Variants in KCND2 observed in about 807,000 individuals in gnomAD.
KCND2 encodes the protein potassium voltage-gated channel subfamily D member 2, also known as A-type voltage-gated potassium channel KCND2.
In KCND2, 16 loss-of-function variants were observed where a neutral mutation model predicts 54.4. The observed-to-expected ratio is 0.29, with a 90% CI of 0.20 to 0.45. The LOEUF (loss-of-function observed/expected upper bound fraction) is 0.45, where lower values mean the gene tolerates loss of function less well. KCND2 is among the 20% of genes least tolerant of loss of function. KCND2 has a pLI of 1.00. For missense variants in KCND2, 486 were observed against 824.2 expected (o/e 0.59, Z 5.02); for synonymous variants, 317 against 310.7 (o/e 1.02, Z -0.21).
At chr7:120,620,986 C>A (rs1362841052) in intron 1 of KCND2, among the ~76,000 whole-genome samples, 1 of 152,032 alleles carries the variant, frequency 6.6e-6, no homozygotes, top group Non-Finnish European at 1.5e-5. Context: ...TAAAGAAGAA[C>A]CATATGGGTC....
At chr7:120,532,167 C>T (rs1364204112) in intron 1 of KCND2, among the ~76,000 whole-genome samples, 1 of 151,932 alleles carries the variant, frequency 6.6e-6, no homozygotes, top group South Asian at 2.1e-4. Flanking sequence ...GTAGTTTTCT[C>T]TATAATTTAA....
At chr7:120,598,350 G>T (rs1183267551) in intron 1 of KCND2, among the ~76,000 whole-genome samples, 5 of 152,028 alleles carry the variant, frequency 3.3e-5, no homozygotes, top group Non-Finnish European at 7.4e-5. Flanking sequence ...CTCTATATTT[G>T]TATTGTTAGA....
chr7:120,505,005 A>G (rs1032148771), intron 1 of KCND2, among the ~76,000 whole-genome samples: 1 of 151,796 alleles, frequency 6.6e-6, no homozygotes, highest in Non-Finnish European at 1.5e-5. Context: ...TAAAGGGCCC[A>G]AACTCTGGTT....
chr7:120,345,952 A>T (rs1015332843), intron 1 of KCND2, among the ~76,000 whole-genome samples: 5 of 152,214 alleles, frequency 3.3e-5, no homozygotes, highest in African/African-American at 1.2e-4. Flanking sequence ...GCACCATTTC[A>T]CATTTCCAGC....
At chr7:120,545,672 G>A (rs955703214) in intron 1 of KCND2, among the ~76,000 whole-genome samples, 3 of 151,702 alleles carry the variant, frequency 2.0e-5, no homozygotes, top group African/African-American at 7.3e-5. Context: ...GTTGCAGATA[G>A]CAGGTCAGCC....
At chr7:120,687,668 A>T (rs898146140) in intron 1 of KCND2, among the ~76,000 whole-genome samples, 2 of 152,150 alleles carry the variant, frequency 1.3e-5, no homozygotes, top group East Asian at 1.9e-4. Context: ...AAAACAACAT[A>T]AAAAAACCCC....
At chr7:120,312,418 G>C (rs1290820126) in intron 1 of KCND2, among the ~76,000 whole-genome samples, 1 of 151,874 alleles carries the variant, frequency 6.6e-6, no homozygotes, top group Non-Finnish European at 1.5e-5. Context: ...TGCGATTGCT[G>C]GGTCAAACGA....
intron 1 of KCND2, among the ~76,000 whole-genome samples, chr7:120,635,495 A>G (rs1235331035): frequency 6.6e-6 from 1 of 152,206 alleles, no homozygotes; most frequent in East Asian, 1.9e-4. Flanking sequence ...TGGTAGATAT[A>G]AGAGAATAAA....
Position 120,741,562 on chromosome 7 carries a change from C to G in KCND2, c.1307C>G (p.Ala436Gly), listed in dbSNP as rs752967153. 6.2e-7 allele frequency: 1 copy of G among 1,613,156 alleles called. No homozygotes were observed. Among genetic ancestry groups the G allele is most frequent in the South Asian group, 1.1e-5 (1 of 91,062 alleles). Reference protein sequence around the residue: ...KKARLARIRAAKSGSANAYMQ... With the variant: ...KKARLARIRAGKSGSANAYMQ... ...GCTAGACTGGCCAGGATCCGGGCAG[C>G]CAAAAGCGGAAGCGCAAATGCTTAC... The change falls in exon 3 of 6, where the codon GCC (alanine) becomes GGC (glycine). Residue 436 changes from alanine (A) to glycine (G), a missense_variant. Transcript: ENST00000331113.
intron 1 of KCND2, among the ~76,000 whole-genome samples, chr7:120,632,866 C>T (rs1474238207): frequency 6.6e-6 from 1 of 152,166 alleles, no homozygotes; most frequent in African/African-American, 2.4e-5. Context: ...AAGCCAACAT[C>T]TACCTCATTG....
At chr7:120,345,680 G>A (rs946272420) in intron 1 of KCND2, among the ~76,000 whole-genome samples, 6 of 152,116 alleles carry the variant, frequency 3.9e-5, no homozygotes, top group Non-Finnish European at 8.8e-5. Context: ...GTTGTAGCAT[G>A]TGTCAAAATT....
At chr7:120,383,767 C>G (rs1485836224) in intron 1 of KCND2, among the ~76,000 whole-genome samples, 1 of 152,068 alleles carries the variant, frequency 6.6e-6, no homozygotes, top group African/African-American at 2.4e-5. Flanking sequence ...TAAAGCTTAA[C>G]TACAGGAACA....
At chr7:120,632,943 T>A (rs963867391) in intron 1 of KCND2, among the ~76,000 whole-genome samples, 1 of 152,156 alleles carries the variant, frequency 6.6e-6, no homozygotes, top group Non-Finnish European at 1.5e-5. Flanking sequence ...TTCTCTCTCA[T>A]TAAGTTAAGG....
chr7:120,329,644 T>G (rs112347154), intron 1 of KCND2, among the ~76,000 whole-genome samples: 1,985 of 152,288 alleles, frequency 0.013, 44 homozygotes, highest in African/African-American at 0.043. Flanking sequence ...AACTGACACT[T>G]GCTTCCTCAA....
Position 120,745,926 on chromosome 7 carries a change from T to A in KCND2, c.1614T>A (p.Phe538Leu). Residue 538 changes from phenylalanine (F) to leucine (L), a missense_variant, in exon 5 of 6, where the codon TTT becomes TTA. Physicochemically the swap from Phe to Leu is conservative, Grantham distance 22. Coordinates refer to ENST00000331113, the MANE Select transcript of KCND2 (RefSeq NM_012281.3). Reference protein sequence around the residue: ...TCCSRRHKKTFRIPNANVSGS... With the variant: ...TCCSRRHKKTLRIPNANVSGS... ...GTTCACGACGACACAAAAAAACTTT[T>A]CGCATCCCAAATGCCAATGTATCAG... 1 of 1,613,916 alleles carries A rather than the reference T, an allele frequency of 6.2e-7. No individual in the cohort carries two copies.
chr7:120,298,154 G>A (rs1176575678), intron 1 of KCND2, among the ~76,000 whole-genome samples: 1 of 152,048 alleles, frequency 6.6e-6, no homozygotes, highest in Admixed American at 6.6e-5. Context: ...GTTAAGTTTT[G>A]TATTTCTAAA....
At chr7:120,706,953 T>G (rs549415540) in intron 1 of KCND2, among the ~76,000 whole-genome samples, 13 of 152,290 alleles carry the variant, frequency 8.5e-5, no homozygotes, top group Non-Finnish European at 1.6e-4. Flanking sequence ...ATGTATTTTG[T>G]CTAATTGATA....
intron 1 of KCND2, among the ~76,000 whole-genome samples, chr7:120,290,481 T>G (rs1441463529): frequency 6.6e-6 from 1 of 152,076 alleles, no homozygotes. Context: ...GCTATTTTTC[T>G]CATCTCTATG....
At chr7:120,389,199 G>T (rs1020562353) in intron 1 of KCND2, among the ~76,000 whole-genome samples, 1 of 151,694 alleles carries the variant, frequency 6.6e-6, no homozygotes, top group Admixed American at 6.6e-5. Context: ...AAGCCAAAAG[G>T]TCCATAATTT....
Sources: gnomAD v4.1 joint callset for allele counts (sites outside exome capture counted in the v4.1 genomes callset) on GRCh38, gnomAD v4.1.1 for gene constraint, MANE v1.5 for transcripts, NCBI Gene and HGNC (gene_info 2026-07-23, HGNC 2026-07-21) for gene names.